CCSER1: variants seen among roughly 807,000 people sequenced by gnomAD.
The protein encoded by CCSER1 is coiled-coil serine rich protein 1, also known as serine-rich coiled-coil domain-containing protein 1.
CCSER1 carries 41 observed loss-of-function variants against 82.0 expected under a neutral mutation model. The ratio of observed to expected loss-of-function variants is 0.50; its 90% confidence interval spans 0.39 to 0.65. The LOEUF (loss-of-function observed/expected upper bound fraction) is 0.65, where lower values mean the gene tolerates loss of function less well. CCSER1 is among the 30% of genes least tolerant of loss of function. CCSER1 has a pLI of 0.00. For synonymous variants in CCSER1, 414 were observed against 383.9 expected (o/e 1.08, Z -0.92); for missense variants, 1,119 against 1,064.2 (o/e 1.05, Z -0.72).
At chr4:91,484,081 A>G (rs12498654) in intron 10 of CCSER1, among the ~76,000 whole-genome samples, 115,916 of 147,566 alleles carry the variant, frequency 0.79, 45,711 homozygotes, top group East Asian at 0.93. Context: ...AAGCAAAGCA[A>G]AACAAAAAAT....
chr4:91,011,864 A>G (rs1325664206), intron 9 of CCSER1, among the ~76,000 whole-genome samples: 1 of 134,768 alleles, frequency 7.4e-6, no homozygotes, highest in Non-Finnish European at 1.7e-5. Flanking sequence ...GTGGAACACA[A>G]TTGTGGCTTG....
chr4:91,408,473 T>G (rs1752837183), intron 10 of CCSER1, among the ~76,000 whole-genome samples: 1 of 152,238 alleles, frequency 6.6e-6, no homozygotes, highest in South Asian at 2.1e-4. Context: ...GCAAATATAT[T>G]ACATCCAACC....
At chr4:90,191,364 T>A (rs1735590680) in intron 1 of CCSER1, among the ~76,000 whole-genome samples, 1 of 151,954 alleles carries the variant, frequency 6.6e-6, no homozygotes. Context: ...AGATAGATGG[T>A]CAGAAAGAGG....
chr4:90,397,448 G>C (rs1752135133), intron 3 of CCSER1, among the ~76,000 whole-genome samples: 1 of 152,098 alleles, frequency 6.6e-6, no homozygotes, highest in South Asian at 2.1e-4. Context: ...ATTCAAAAAA[G>C]GATTGAACAA....
intron 7 of CCSER1, chr4:90,724,886 C>A (rs1181281664): frequency 2.7e-5 from 8 of 300,518 alleles, no homozygotes; most frequent in African/African-American, 1.5e-4. Context: ...AGTACAGTTG[C>A]TGGCATGGAT....
intron 7 of CCSER1, among the ~76,000 whole-genome samples, chr4:90,745,752 T>G (rs527824953): frequency 2.8e-5 from 4 of 142,222 alleles, no homozygotes; most frequent in Admixed American, 2.3e-4. Flanking sequence ...TGCGGTGGCG[T>G]GATCTCGGCT....
At chr4:91,080,208 A>T (rs1722550164) in intron 9 of CCSER1, among the ~76,000 whole-genome samples, 1 of 152,252 alleles carries the variant, frequency 6.6e-6, no homozygotes, top group Non-Finnish European at 1.5e-5. Context: ...AGAAATTGTA[A>T]CAAACTGTCT....
intron 7 of CCSER1, among the ~76,000 whole-genome samples, chr4:90,795,116 C>A (rs537288786): frequency 6.6e-6 from 1 of 151,972 alleles, no homozygotes; most frequent in Admixed American, 6.6e-5. Context: ...TGGTGAAACC[C>A]CATCTCTACT....
chr4:90,196,522 A>C (rs1254643074), intron 1 of CCSER1, among the ~76,000 whole-genome samples: 1 of 151,996 alleles, frequency 6.6e-6, no homozygotes, highest in African/African-American at 2.4e-5. Context: ...AATTTGGGCA[A>C]ACTCTCCCAG....
At chr4:90,655,918 T>A (rs1425955267) in intron 6 of CCSER1, among the ~76,000 whole-genome samples, 4 of 151,878 alleles carry the variant, frequency 2.6e-5, no homozygotes, top group Non-Finnish European at 5.9e-5. Flanking sequence ...ATCCTCAGAA[T>A]ACGTGTGGCA....
intron 8 of CCSER1, among the ~76,000 whole-genome samples, chr4:90,827,919 C>T (rs539244609): frequency 1.2e-3 from 185 of 152,020 alleles, no homozygotes; most frequent in Middle Eastern, 6.8e-3. Flanking sequence ...GTTATAGAGC[C>T]GAGGGGGAAG....
At chr4:90,950,543 C>A (rs1279638543) in intron 9 of CCSER1, among the ~76,000 whole-genome samples, 2 of 152,016 alleles carry the variant, frequency 1.3e-5, no homozygotes, top group Admixed American at 6.6e-5. Flanking sequence ...CACACATACA[C>A]ACACGTTGAA....
chr4:90,442,905 A>G (rs1260302954), intron 4 of CCSER1, among the ~76,000 whole-genome samples: 3 of 152,146 alleles, frequency 2.0e-5, no homozygotes, highest in African/African-American at 7.2e-5. Flanking sequence ...ACAAGGTCTC[A>G]GTTCTTACCC....
intron 6 of CCSER1, among the ~76,000 whole-genome samples, chr4:90,720,779 A>C (rs535732558): frequency 1.3e-5 from 2 of 152,160 alleles, no homozygotes; most frequent in African/African-American, 4.8e-5. Flanking sequence ...TAAAATGAGT[A>C]CATGTTTGTA....
chr4:91,322,874 A>G (rs1186155984), intron 10 of CCSER1, among the ~76,000 whole-genome samples: 2 of 152,130 alleles, frequency 1.3e-5, no homozygotes, highest in East Asian at 3.9e-4. Flanking sequence ...TTTTTGATCA[A>G]ATAGACTGTA....
At chr4:90,815,967 A>C in intron 8 of CCSER1, 122 bp downstream of exon 8, 3 of 559,480 alleles carry the variant, frequency 5.4e-6, no homozygotes, top group Non-Finnish European at 9.4e-6. Flanking sequence ...GGTTCAATCC[A>C]ATGATCAGTT....
chr4:90,315,665 GC>G (rs1736047373), intron 3 of CCSER1, among the ~76,000 whole-genome samples: 1 of 151,912 alleles, frequency 6.6e-6, no homozygotes, highest in Non-Finnish European at 1.5e-5. Context: ...CACCATGCCT[GC>G]CTAATTTTTG....
chr4:90,691,513 A>G (rs1367796885), intron 6 of CCSER1, among the ~76,000 whole-genome samples: 1 of 151,450 alleles, frequency 6.6e-6, no homozygotes, highest in African/African-American at 2.4e-5. Context: ...TGTATATATT[A>G]CATGTGTACA....
intron 10 of CCSER1, among the ~76,000 whole-genome samples, chr4:91,160,136 A>G (rs954473226): frequency 7.2e-5 from 11 of 151,976 alleles, no homozygotes; most frequent in Non-Finnish European, 1.3e-4. Flanking sequence ...ATGAGTGAGA[A>G]CATGTGGTGT....
Sources: allele counts gnomAD v4.1 joint callset (sites outside exome capture counted in the v4.1 genomes callset), GRCh38; gene constraint gnomAD v4.1.1; transcripts MANE v1.5; gene names NCBI Gene and HGNC (gene_info 2026-07-23, HGNC 2026-07-21).